Variants in MCF2L observed in about 807,000 individuals in gnomAD.
The protein encoded by MCF2L is MCF.2 cell line derived transforming sequence like.
Under a neutral mutation model 153.4 loss-of-function variants are expected in MCF2L, and 97 were observed. The observed-to-expected ratio is 0.63, with a 90% CI of 0.54 to 0.75. MCF2L has a LOEUF of 0.75. MCF2L is among the 30% of genes least tolerant of loss of function. The pLI, the probability that MCF2L is intolerant of heterozygous loss-of-function variation, is 0.00. For missense variants in MCF2L, 1,347 were observed against 1,495.2 expected, an observed-to-expected ratio of 0.90 and a Z score of 1.64; for synonymous variants, 659 against 632.2, an observed-to-expected ratio of 1.04 and a Z score of -0.64.
rs147390069 is a variant in MCF2L at position 113,027,567 on chromosome 13, C to A, written c.278+2809C>A. On this transcript the variant is annotated intron_variant, in intron 3 of 29. Coordinates refer to ENST00000535094, the MANE Select transcript of MCF2L (RefSeq NM_001112732.3). This position sits in a 1 kb window ranked among gnomAD's most constrained non-coding sequence, Gnocchi z 4.8. ...TGTCTGTTGTGAGAATCTTGCACCC[C>A]CTATGCGCCAGGCTCTGCTGGCTGA... Among the ~76,000 whole-genome samples, 3 of 152,154 alleles carry A rather than the reference C, an allele frequency of 2.0e-5. No individual in the cohort carries two copies. The highest frequency in any genetic ancestry group is 4.8e-5 in the African/African-American group (2 of 41,436).
intron 3 of MCF2L, among the ~76,000 whole-genome samples, chr13:113,036,503 G>GGA (rs1400638633): frequency 6.6e-6 from 1 of 152,238 alleles, no homozygotes; most frequent in African/African-American, 2.4e-5. Context: ...ACAGAGAGCA[G>GGA]GAGAATAAAG....
chr13:113,071,414 A>T (rs1351814920), intron 9 of MCF2L, among the ~76,000 whole-genome samples: 1 of 151,986 alleles, frequency 6.6e-6, no homozygotes, highest in Admixed American at 6.6e-5. Flanking sequence ...ATTTTGACGA[A>T]CTCCAATTTG....
chr13:113,015,861 C>G (rs1594668414), intron 2 of MCF2L, among the ~76,000 whole-genome samples: 1 of 152,210 alleles, frequency 6.6e-6, no homozygotes, highest in East Asian at 1.9e-4. Context: ...ACAAGGGCTC[C>G]AATCCCCCTG....
chr13:113,012,162 C>A (rs1279594525), intron 1 of MCF2L, among the ~76,000 whole-genome samples: 1 of 83,512 alleles, frequency 1.2e-5, no homozygotes, highest in Non-Finnish European at 2.5e-5. Flanking sequence ...CACTGTGATG[C>A]GGACGGTGGA....
chr13:113,010,649 G>T (rs1023327554), intron 1 of MCF2L, among the ~76,000 whole-genome samples: 2 of 152,244 alleles, frequency 1.3e-5, no homozygotes, highest in East Asian at 1.9e-4. Flanking sequence ...TGCCCGCGTG[G>T]CAGGGGAATG....
chr13:112,954,521 T>C (rs1475834262), intron 2 of MCF2L, among the ~76,000 whole-genome samples: 3 of 152,196 alleles, frequency 2.0e-5, no homozygotes, highest in Non-Finnish European at 4.4e-5. Flanking sequence ...GTGGAGTTCA[T>C]AGGGTGAAAC....
chr13:113,001,799 G>T, intron 1 of MCF2L: 1 of 1,433,482 alleles, frequency 7.0e-7, no homozygotes. Flanking sequence ...CCAGGAAGGT[G>T]TGGCGTCCCC....
chr13:113,077,078 G>A lies in MCF2L; in HGVS notation c.1527G>A (p.Lys509=). The stretch of plus-strand genomic sequence containing the variant: ...AGCACGTGCGAAAGGTCTTCCAGAA[G>A]CAGGCAAGCATGGAGGAGGTGTTCC... ...LMEHVRKVFQ[K]QASMEEVFHR... Residue 509 remains lysine, a synonymous_variant, in exon 13 of 30, where the codon AAG becomes AAA. Transcript: ENST00000535094. 3 of 1,612,786 alleles carry A rather than the reference G, an allele frequency of 1.9e-6. No individual in the cohort carries two copies. The highest frequency in any genetic ancestry group is 2.5e-6 in the Non-Finnish European group (3 of 1,179,626).
At chr13:113,090,625 G>A (rs2035116548) in intron 26 of MCF2L, 1 of 985,470 alleles carries the variant, frequency 1.0e-6, no homozygotes, top group South Asian at 4.7e-5. Flanking sequence ...ACCTGCGAGA[G>A]CTCCATGATG....
chr13:113,090,110 C>G (rs1248228045), intron 26 of MCF2L: 2 of 1,548,434 alleles, frequency 1.3e-6, no homozygotes, highest in Non-Finnish European at 1.7e-6. Context: ...TCTGCGCTTT[C>G]CAGAAAGCGC....
intron 1 of MCF2L, among the ~76,000 whole-genome samples, chr13:112,976,143 T>G (rs566866864): frequency 2.1e-3 from 28 of 13,316 alleles, no homozygotes; most frequent in Non-Finnish European, 4.8e-3. Flanking sequence ...ATGTTCCGGG[T>G]TTTTTTTTTT....
intron 2 of MCF2L, among the ~76,000 whole-genome samples, chr13:112,915,410 C>CCAAAAAAAAAA (rs2081281143): frequency 1.2e-5 from 1 of 86,924 alleles, no homozygotes; most frequent in African/African-American, 5.3e-5. Context: ...CTCTGTCTCA[C>CCAAAAAAAAAA]AAAAAAAAAA....
chr13:113,092,755 C>G (rs1429906968), intron 26 of MCF2L, among the ~76,000 whole-genome samples: 2 of 151,904 alleles, frequency 1.3e-5, no homozygotes, highest in Admixed American at 6.5e-5. Flanking sequence ...CCGTTCCCAT[C>G]ATGGTCAGAC....
In MCF2L at chr13:113,073,452, A is replaced by AG. The variant is rs551377636; in HGVS notation, c.997-987dup. Among the ~76,000 whole-genome samples the AG allele has an allele frequency of 1.2e-4, 19 of 152,296 alleles. No homozygotes were observed. The East Asian group carries it at 3.5e-3, about 28-fold the overall frequency. Reference sequence around the variant, plus strand: ...CTCACTCATCAGCTGTGCCAGATGCAGGGGGTTCAAGGATGGACAAGAATC... The same window carrying AG: ...CTCACTCATCAGCTGTGCCAGATGCAGGGGGGTTCAAGGATGGACAAGAATC... On this transcript the variant is annotated intron_variant, in intron 9 of 29. Transcript: ENST00000535094.
chr13:112,942,222 C>G (rs1287607867), intron 2 of MCF2L, among the ~76,000 whole-genome samples: 1 of 152,212 alleles, frequency 6.6e-6, no homozygotes, highest in Admixed American at 6.5e-5. Context: ...ACCTGGCTTT[C>G]CCTTTTAGAT....
intron 1 of MCF2L, among the ~76,000 whole-genome samples, chr13:112,998,433 T>C (rs1444815237): frequency 6.6e-6 from 1 of 152,112 alleles, no homozygotes; most frequent in Non-Finnish European, 1.5e-5. Context: ...TTCTGGAGGG[T>C]TCCGGAGGGT....
chr13:113,057,402 GTTTA>G (rs200978527), intron 4 of MCF2L, among the ~76,000 whole-genome samples: 3 of 149,760 alleles, frequency 2.0e-5, no homozygotes, highest in African/African-American at 7.4e-5. Flanking sequence ...GGTGCTGAGT[GTTTA>G]GGTGCTGTGT....
At chr13:112,935,851 A>G (rs2081509243) in intron 2 of MCF2L, among the ~76,000 whole-genome samples, 1 of 152,174 alleles carries the variant, frequency 6.6e-6, no homozygotes, top group Non-Finnish European at 1.5e-5. Context: ...ACACAGACAC[A>G]GGGAAAAGGC....
intron 22 of MCF2L, 101 bp from the exon 23 acceptor site, chr13:113,087,606 C>A: frequency 1.7e-6 from 2 of 1,196,494 alleles, no homozygotes. Flanking sequence ...GCCCTCACCC[C>A]CAAAGTATTT....
Sources: gnomAD v4.1 joint callset for allele counts (sites outside exome capture counted in the v4.1 genomes callset) on GRCh38, gnomAD v4.1.1 for gene constraint, Gnocchi (gnomAD v3.1) non-coding constraint, MANE v1.5 for transcripts, NCBI Gene and HGNC (gene_info 2026-07-23, HGNC 2026-07-21) for gene names.